Variants in ROCK2 observed in about 807,000 individuals in gnomAD.
ROCK2 encodes rho-associated protein kinase 2.
Under a neutral mutation model 195.1 loss-of-function variants are expected in ROCK2, and 61 were observed. The observed-to-expected ratio is 0.31, with a 90% CI of 0.25 to 0.39. The LOEUF (loss-of-function observed/expected upper bound fraction) is 0.39. Ranked by LOEUF, ROCK2 falls within the 10% of genes least tolerant of loss-of-function variation. ROCK2 has a pLI of 1.00. For missense variants in ROCK2, 1,109 were observed against 1,637.4 expected (o/e 0.68, Z 5.57); for synonymous variants, 504 against 545.5 (o/e 0.92, Z 1.06).
intron 1 of ROCK2, among the ~76,000 whole-genome samples, chr2:11,300,921 C>A (rs944262254): frequency 9.2e-5 from 14 of 152,068 alleles, no homozygotes; most frequent in Admixed American, 9.2e-4. Flanking sequence ...GTAACTACAG[C>A]CACTAACGTA....
intron 32 of ROCK2, chr2:11,184,872 T>C (rs528556856): frequency 1.8e-6 from 1 of 553,782 alleles, no homozygotes; most frequent in African/African-American, 2.0e-5. Flanking sequence ...GTAAGCATTT[T>C]AATTTTCCCT....
intron 1 of ROCK2, among the ~76,000 whole-genome samples, chr2:11,330,294 A>G (rs528889149): frequency 6.6e-6 from 1 of 152,224 alleles, no homozygotes; most frequent in African/African-American, 2.4e-5. Context: ...AGATACTTTT[A>G]TTATATGTCA....
intron 1 of ROCK2, among the ~76,000 whole-genome samples, chr2:11,298,469 CA>C (rs771356019): frequency 0.061 from 2,750 of 45,024 alleles, 34 homozygotes; most frequent in African/African-American, 0.13. Flanking sequence ...GACTCCATCT[CA>C]AAAAAAAAAA....
At chr2:11,309,925 G>A (rs1335770195) in intron 1 of ROCK2, among the ~76,000 whole-genome samples, 2 of 151,324 alleles carry the variant, frequency 1.3e-5, no homozygotes, top group Admixed American at 6.6e-5. Context: ...AAGTTGGAGT[G>A]AGCCAAGATC....
chr2:11,209,741 A>G (rs1664182853), intron 18 of ROCK2, among the ~76,000 whole-genome samples: 1 of 152,200 alleles, frequency 6.6e-6, no homozygotes, highest in Non-Finnish European at 1.5e-5. Context: ...TTTCATAATT[A>G]ATGCTCAACA....
chr2:11,302,157 T>G (rs561312770), intron 1 of ROCK2, among the ~76,000 whole-genome samples: 1 of 152,274 alleles, frequency 6.6e-6, no homozygotes, highest in South Asian at 2.1e-4. Context: ...TGGTTTCAGA[T>G]TCACATTATT....
Position 11,215,623 on chromosome 2 carries a change from T to G in ROCK2, c.1484A>C (p.Glu495Ala). Residue 495 changes from glutamate (E) to alanine (A), a missense_variant, in exon 14 of 33, where the codon GAA becomes GCA. Around this residue, in one of 6 missense-constraint regions of ROCK2, gnomAD observed 542 missense variants for 672.0 expected, o/e 0.81. Transcript: ENST00000315872. ...TCTTTCTAACTGTCTTAATGCTGAT[T>G]CCACACTTTTCCGTAAGGTAATCTG... ...EEEITLRKSV[E>A]SALRQLEREK... 6.2e-7 allele frequency: 1 copy of G among 1,607,368 alleles called. No individual in the cohort carries two copies. The highest frequency in any genetic ancestry group is 8.5e-7 in the Non-Finnish European group (1 of 1,178,028).
intron 1 of ROCK2, among the ~76,000 whole-genome samples, chr2:11,294,796 G>A (rs1244366308): frequency 6.6e-6 from 1 of 150,736 alleles, no homozygotes; most frequent in Non-Finnish European, 1.5e-5. Context: ...TTTCTTTTTT[G>A]AGACAGAGCC....
At chr2:11,242,383 C>T (rs1462082809) in intron 4 of ROCK2, among the ~76,000 whole-genome samples, 6 of 151,928 alleles carry the variant, frequency 3.9e-5, no homozygotes, top group Non-Finnish European at 8.8e-5. Flanking sequence ...GAAGTCAAGC[C>T]GCACAGAGGG....
intron 1 of ROCK2, among the ~76,000 whole-genome samples, chr2:11,322,782 G>A (rs1403973159): frequency 1.3e-5 from 2 of 152,178 alleles, no homozygotes; most frequent in Middle Eastern, 3.4e-3. Context: ...TTATCATTAT[G>A]GGATACCACA....
At chr2:11,327,114 T>A (rs1017138905) in intron 1 of ROCK2, among the ~76,000 whole-genome samples, 1 of 152,192 alleles carries the variant, frequency 6.6e-6, no homozygotes, top group Non-Finnish European at 1.5e-5. Flanking sequence ...CTTTTTTTGT[T>A]GGCCAAAGAG....
chr2:11,243,300 C>G (rs1414098387), intron 4 of ROCK2, among the ~76,000 whole-genome samples: 1 of 152,026 alleles, frequency 6.6e-6, no homozygotes, highest in African/African-American at 2.4e-5. Flanking sequence ...ATTTTTGGCC[C>G]AAATGTAAGC....
At chr2:11,324,808 C>T (rs765051163) in intron 1 of ROCK2, among the ~76,000 whole-genome samples, 4 of 152,164 alleles carry the variant, frequency 2.6e-5, no homozygotes, top group Non-Finnish European at 5.9e-5. Context: ...TGACAATAAC[C>T]GTAATAGTAC....
chr2:11,211,939 T>C, intron 17 of ROCK2, 99 bp from the exon 18 acceptor site: 1 of 904,598 alleles, frequency 1.1e-6, no homozygotes, highest in Non-Finnish European at 1.6e-6. Context: ...AGAGTCTTGC[T>C]CTGTTACCCA....
intron 1 of ROCK2, among the ~76,000 whole-genome samples, chr2:11,337,898 C>T (rs902329749): frequency 2.6e-5 from 4 of 152,130 alleles, no homozygotes; most frequent in Admixed American, 2.6e-4. Flanking sequence ...CCACCTCAGC[C>T]TCCCAAAGTG....
intron 1 of ROCK2, among the ~76,000 whole-genome samples, chr2:11,311,759 ACG>A (rs1668042129): frequency 1.3e-5 from 2 of 150,084 alleles, no homozygotes; most frequent in South Asian, 4.1e-4. Flanking sequence ...GAAAGCGCAC[ACG>A]CGCGTGCACA....
At chr2:11,187,738 T>G (rs1304210953) in intron 32 of ROCK2, among the ~76,000 whole-genome samples, 2 of 152,218 alleles carry the variant, frequency 1.3e-5, no homozygotes, top group Non-Finnish European at 2.9e-5. Flanking sequence ...ATCTTTGGCT[T>G]TGTTTTCTTT....
In ROCK2 at chr2:11,220,600, A is replaced by G. The variant is rs528678234; in HGVS notation, c.1259+598T>C. ...GTCCTCCAAACTGTAATGACATAGTAGCACCTGCTCTATGTTTGAGTGCTA... is the reference window on the plus strand; with the variant it reads ...GTCCTCCAAACTGTAATGACATAGTGGCACCTGCTCTATGTTTGAGTGCTA... On this transcript the variant is annotated intron_variant, in intron 9 of 32. Coordinates refer to ENST00000315872, the MANE Select transcript of ROCK2 (RefSeq NM_004850.5). Among the ~76,000 whole-genome samples, 3 of 152,336 alleles carry G rather than the reference A, an allele frequency of 2.0e-5. No homozygotes were observed. The East Asian group carries it at 5.8e-4, about 29-fold the overall frequency.
chr2:11,183,393 AGAAT>A lies in ROCK2; in HGVS notation c.*40_*43del. On this transcript the variant is annotated 3_prime_UTR_variant, in exon 33 of 33. Transcript: ENST00000315872. ...ATATTTCAGTCTTGTTTTCACTGGA[AGAAT>A]ACGATCACCTTGAATAATGACTGCT... is the stretch of plus-strand genomic sequence containing the variant. 6.4e-7 allele frequency: 1 copy of A among 1,558,660 alleles called. No individual in the cohort carries two copies. The highest frequency in any genetic ancestry group is 8.7e-7 in the Non-Finnish European group (1 of 1,147,706).
Sources: allele counts gnomAD v4.1 joint callset (sites outside exome capture counted in the v4.1 genomes callset), GRCh38; gene constraint gnomAD v4.1.1; regional missense constraint gnomAD v4.1.1; transcripts MANE v1.5; gene names NCBI Gene and HGNC (gene_info 2026-07-23, HGNC 2026-07-21).